Variants in LRRC41 observed in about 807,000 individuals in gnomAD.
The protein encoded by LRRC41 is leucine rich repeat containing 41.
LRRC41 carries 17 observed loss-of-function variants against 72.1 expected under a neutral mutation model. The ratio of observed to expected loss-of-function variants is 0.24; its 90% CI spans 0.16 to 0.35. The LOEUF is 0.35. Ranked by LOEUF, LRRC41 falls within the 10% of genes least tolerant of loss-of-function variation. The pLI is 1.00. For missense variants in LRRC41, 759 were observed against 1,065.0 expected, an observed-to-expected ratio of 0.71 and a Z score of 4.00; for synonymous variants, 427 against 431.0, an observed-to-expected ratio of 0.99 and a Z score of 0.11.
rs368615758 is a variant in LRRC41, at chr1:46,285,472, A to G, written c.1385T>C (p.Ile462Thr). The G allele has an allele frequency of 6.2e-6, 10 of 1,614,012 alleles. No individual in the cohort carries two copies. Among genetic ancestry groups the G allele is most frequent in the Non-Finnish European group, 8.5e-6 (10 of 1,180,034 alleles). The change falls in exon 4 of 10, where the codon ATC (isoleucine) becomes ACC (threonine). Residue 462 changes from isoleucine (I) to threonine (T), a missense_variant. By Grantham distance (89) the Ile-to-Thr change is moderately conservative. Transcript: ENST00000617190. This position sits in a 1 kb window ranked among gnomAD's most constrained non-coding sequence, Gnocchi z 5.3. ...ALEASQRFRS[I>T]STLELFTVPL... ...AACTGTGAATAGCTCCAAGGTGGAG[A>G]TGCTGCGGAATCTTTGTGAAGCTTC...
intron 4 of LRRC41, among the ~76,000 whole-genome samples, chr1:46,281,943 G>A (rs1473921258): frequency 6.6e-6 from 1 of 152,192 alleles, no homozygotes; most frequent in Non-Finnish European, 1.5e-5. Flanking sequence ...GCTGGGCTGG[G>A]TGGCACATGC....
chr1:46,277,575 C>CT lies in LRRC41; in HGVS notation c.*1289dup, dbSNP rs1376755221. 91 of 557,286 alleles carry CT rather than the reference C, an allele frequency of 1.6e-4. No homozygotes were observed. Among genetic ancestry groups the CT allele is most frequent in the Non-Finnish European group, 2.3e-4 (71 of 312,646 alleles). The allele number at this position is 557,286 out of a possible 1,614,324, so 34.5% of individuals were successfully genotyped here. ...CACCCTGACGGGATTTAGCCAGGCC[C>CT]TGGGACCCTTCATTAGTATAGAAAG... On this transcript the variant is annotated 3_prime_UTR_variant, in exon 10 of 10. Transcript: ENST00000617190.
rs925199666 is a variant in LRRC41, at chr1:46,303,015, C to T, written c.199+109G>A. 7 of 1,320,486 alleles carry T rather than the reference C, an allele frequency of 5.3e-6. No homozygotes were observed. The Admixed American group carries it at 1.6e-4, about 29-fold the overall frequency. The allele number at this position is 1,320,486 out of a possible 1,614,324, so 81.8% of individuals were successfully genotyped here. ...CGATCCTACGAGCTGGCTTTCAGCG[C>T]CCCAGGCTGGGCCTTGCCCCGGGCC... On this transcript the variant is annotated intron_variant, in intron 1 of 9. Coordinates refer to ENST00000617190, the MANE Select transcript of LRRC41 (RefSeq NM_006369.5).
chr1:46,280,241 A>T lies in LRRC41; in HGVS notation c.1971T>A (p.Ala657=). ...KRLSFHDMNL[A]DCQSEVLFLL... ...AAAAGAGCACCTCGCTCTGACAGTC[A>T]GCGAGATTCATGTCATGGAAGCTCA... Residue 657 remains alanine (A), a synonymous_variant, in exon 7 of 10, where the codon GCT becomes GCA. Coordinates refer to ENST00000617190, the MANE Select transcript of LRRC41 (RefSeq NM_006369.5). The T allele has an allele frequency of 1.2e-6, 2 of 1,614,226 alleles. No homozygotes were observed. The highest frequency in any genetic ancestry group is 8.5e-7 in the Non-Finnish European group (1 of 1,180,032).
In LRRC41 at chr1:46,285,693, T is replaced by C; in HGVS notation, c.1164A>G (p.Leu388=). 5.0e-6 allele frequency: 8 copies of C among 1,613,964 alleles called. No individual in the cohort carries two copies. The highest frequency in any genetic ancestry group is 6.8e-6 in the Non-Finnish European group (8 of 1,179,950). The change falls in exon 4 of 10, where the codon CTA becomes CTG. Residue 388 remains leucine (L), a synonymous_variant. Coordinates refer to ENST00000617190, the MANE Select transcript of LRRC41 (RefSeq NM_006369.5). The surrounding 1 kb of genome is among the most constrained non-coding windows in gnomAD (Gnocchi z 5.3). The part of the protein sequence containing the change: ...PASSAPQPKP[L]KRFKRAAGKK... ...TCCCTGCAGCTCGCTTGAAACGCTT[T>C]AGGGGCTTAGGCTGTGGGGCTGAGC...
chr1:46,296,671 T>C (rs1216709901), intron 3 of LRRC41: 1 of 152,238 alleles, frequency 6.6e-6, no homozygotes, highest in African/African-American at 2.4e-5. Context: ...AAAAGTCATC[T>C]TGTGCAACCC....
rs1339417913 is a variant in LRRC41, at chr1:46,280,413, A to G, written c.1904T>C (p.Val635Ala). 2.5e-6 allele frequency: 4 copies of G among 1,614,022 alleles called. No homozygotes were observed. Residue 635 changes from valine to alanine, a missense_variant, in exon 6 of 10, where the codon GTT becomes GCT. By Grantham distance (64) the Val-to-Ala change is moderately conservative. This residue lies in a region of LRRC41 where 427 missense variants were observed against 520.9 expected (regional missense o/e 0.82). Transcript: ENST00000617190. Reference protein sequence around the residue: ...TFASPQDFGLVLQTLKEYNLA... With the variant: ...TFASPQDFGLALQTLKEYNLA... ...GGTCCTACCTTTGAGTGTTTGCAAA[A>G]CAAGCCCAAAATCCTGGGGAGAGGC...
chr1:46,301,907 CAG>C lies in LRRC41; in HGVS notation c.199+1215_199+1216del, dbSNP rs376868887. On this transcript the variant is annotated intron_variant, in intron 1 of 9. Coordinates refer to ENST00000617190, the MANE Select transcript of LRRC41 (RefSeq NM_006369.5). Reference sequence around the variant, plus strand: ...CCCCGGCCTCCCGACCCCACCCTCACAGAGCCAGCAGCCTCTCAGGCCCGAGG... The same window carrying C: ...CCCCGGCCTCCCGACCCCACCCTCACAGCCAGCAGCCTCTCAGGCCCGAGG... 13 of 971,866 alleles carry C rather than the reference CAG, an allele frequency of 1.3e-5. No individual in the cohort carries two copies. The African/African-American group carries it at 1.9e-4, about 15-fold the overall frequency. 60.2% of individuals were successfully genotyped at this position (971,866 alleles called of 1,614,324 possible).
At chr1:46,290,502 T>A (rs1660984664) in intron 3 of LRRC41, among the ~76,000 whole-genome samples, 1 of 152,234 alleles carries the variant, frequency 6.6e-6, no homozygotes, top group African/African-American at 2.4e-5. Flanking sequence ...CAGTTTCAAA[T>A]GCTGGGCTTT....
intron 3 of LRRC41, among the ~76,000 whole-genome samples, chr1:46,292,988 AT>A (rs962963752): frequency 6.6e-6 from 1 of 152,120 alleles, no homozygotes; most frequent in Non-Finnish European, 1.5e-5. Context: ...GATGGAGACC[AT>A]CCTGGCCAAC....
chr1:46,302,025 G>T lies in LRRC41; in HGVS notation c.199+1099C>A. ...CCCACGTCGGACCCAAGTTTCCCTC[G>T]TCAGCGGCCAGGCCGCGGCCAGCGG... On this transcript the variant is annotated intron_variant, in intron 1 of 9. Coordinates refer to ENST00000617190, the MANE Select transcript of LRRC41 (RefSeq NM_006369.5). The surrounding 1 kb of genome is among the most constrained non-coding windows in gnomAD (Gnocchi z 4.7). The T allele has an allele frequency of 2.0e-6, 2 of 985,314 alleles. No individual in the cohort carries two copies. Among genetic ancestry groups the T allele is most frequent in the Non-Finnish European group, 2.4e-6 (2 of 829,876 alleles). The allele number at this position is 985,314 out of a possible 1,614,324, so 61.0% of individuals were successfully genotyped here.
rs1448682170 is a variant in LRRC41, at chr1:46,286,275, G to A, written c.582C>T (p.Ser194=). 1.3e-5 allele frequency: 21 copies of A among 1,614,110 alleles called. No individual in the cohort carries two copies. Among genetic ancestry groups the A allele is most frequent in the Non-Finnish European group, 1.6e-5 (19 of 1,180,046 alleles). Residue 194 remains serine (S), a synonymous_variant, in exon 4 of 10, where the codon TCC becomes TCT. Transcript: ENST00000617190. This position sits in a 1 kb window ranked among gnomAD's most constrained non-coding sequence, Gnocchi z 5.5. ...NRRVLETLAS[S]LHTLKFRHLL... ...GGTGGCGGAACTTGAGAGTGTGCAG[G>A]GAGCTGGCCAGGGTCTCCAGAACCC...
At chr1:46,298,736 C>T (rs1363285675) in intron 1 of LRRC41, 3 of 165,264 alleles carry the variant, frequency 1.8e-5, no homozygotes, top group Non-Finnish European at 3.9e-5. Flanking sequence ...TCATAATCTG[C>T]CCTGCTAGTA....
At position 46,286,326 on chromosome 1, in the gene LRRC41, G is replaced by A. The variant is rs201276101; in HGVS notation, c.531C>T (p.Thr177=). ...TGCGGTTGGGCTCAGCCACCAGCTC[G>A]GTTGCACCCTGCAGCATGTTACAGA... The part of the protein sequence containing the change: ...LTICNMLQGA[T]ELVAEPNRRV... Residue 177 remains threonine, a synonymous_variant, in exon 4 of 10, where the codon ACC becomes ACT. Transcript: ENST00000617190. This position sits in a 1 kb window ranked among gnomAD's most constrained non-coding sequence, Gnocchi z 5.5. 33 of 1,614,198 alleles carry A rather than the reference G, an allele frequency of 2.0e-5. No individual in the cohort carries two copies. The highest frequency in any genetic ancestry group is 1.0e-4 in the Admixed American group (6 of 60,024).
intron 3 of LRRC41, chr1:46,296,969 C>T (rs1661137773): frequency 6.6e-6 from 1 of 152,194 alleles, no homozygotes; most frequent in Non-Finnish European, 1.5e-5. Flanking sequence ...CCAGTTGTCC[C>T]AATGTGACTC....
chr1:46,280,997 T>G (rs760015765), intron 5 of LRRC41, 128 bp downstream of exon 5: 3 of 1,293,390 alleles, frequency 2.3e-6, no homozygotes, highest in African/African-American at 2.9e-5. Flanking sequence ...AAAGGGGGGA[T>G]AGGTTCCAGA....
rs934415331 is a variant in LRRC41, at chr1:46,302,060, C to T, written c.199+1064G>A. On this transcript the variant is annotated intron_variant, in intron 1 of 9. Transcript: ENST00000617190. The surrounding 1 kb of genome is among the most constrained non-coding windows in gnomAD (Gnocchi z 4.7). ...AGGCCGCGGCCAGCGGTCCCCAACCCACAGCCCCGCCTCCCAGCCCAACTG... is the reference window on the plus strand; with the variant it reads ...AGGCCGCGGCCAGCGGTCCCCAACCTACAGCCCCGCCTCCCAGCCCAACTG... 5.1e-6 allele frequency: 5 copies of T among 985,218 alleles called. No homozygotes were observed. The African/African-American group carries it at 8.7e-5, about 17-fold the overall frequency. The allele number at this position is 985,218 out of a possible 1,614,324, so 61.0% of individuals were successfully genotyped here.
At chr1:46,292,687 T>C (rs1211903578) in intron 3 of LRRC41, among the ~76,000 whole-genome samples, 1 of 152,238 alleles carries the variant, frequency 6.6e-6, no homozygotes, top group African/African-American at 2.4e-5. Flanking sequence ...TTTACTGGGA[T>C]ATTTGTCTTT....
chr1:46,299,097 C>A (rs1419305043), intron 1 of LRRC41: 1 of 152,230 alleles, frequency 6.6e-6, no homozygotes, highest in Non-Finnish European at 1.5e-5. Flanking sequence ...AAAACAAAAC[C>A]TGCTCTTGCC....
Sources: gnomAD v4.1 joint callset for allele counts (sites outside exome capture counted in the v4.1 genomes callset) on GRCh38, gnomAD v4.1.1 for gene constraint, gnomAD v4.1.1 regional missense constraint, Gnocchi (gnomAD v3.1) non-coding constraint, MANE v1.5 for transcripts, NCBI Gene and HGNC (gene_info 2026-07-23, HGNC 2026-07-21) for gene names.